Variants in ZNF804A observed in about 807,000 individuals in gnomAD.
ZNF804A encodes the protein zinc finger protein 804A.
ZNF804A carries 2 observed loss-of-function variants against 16.5 expected under a neutral mutation model. The observed-to-expected ratio is 0.12, with a 90% CI of 0.05 to 0.38. The LOEUF is 0.38. Among genes scored for constraint, ZNF804A ranks in the 10% least tolerant of loss-of-function variants. The pLI, the probability that ZNF804A is intolerant of heterozygous loss-of-function variation, is 0.99. For synonymous variants in ZNF804A, 534 were observed against 489.6 expected (o/e 1.09, Z -1.20); for missense variants, 1,473 against 1,390.7 (o/e 1.06, Z -0.94).
At chr2:184,921,351 A>G (rs963866332) in intron 2 of ZNF804A, among the ~76,000 whole-genome samples, 6 of 152,176 alleles carry the variant, frequency 3.9e-5, no homozygotes, top group African/African-American at 1.4e-4. Flanking sequence ...CCTTGGTATC[A>G]GGAAGTCTGT....
intron 1 of ZNF804A, among the ~76,000 whole-genome samples, chr2:184,627,063 T>C (rs1386350233): frequency 2.0e-5 from 3 of 152,186 alleles, no homozygotes; most frequent in Non-Finnish European, 4.4e-5. Context: ...AATAAATACA[T>C]AGTTCTACAG....
At chr2:184,901,385 T>G (rs984752319) in intron 2 of ZNF804A, among the ~76,000 whole-genome samples, 2 of 152,096 alleles carry the variant, frequency 1.3e-5, no homozygotes, top group Non-Finnish European at 2.9e-5. Flanking sequence ...TTGGCCAGGC[T>G]TATATGGGAC....
chr2:184,696,755 T>G (rs2105728871), intron 1 of ZNF804A, among the ~76,000 whole-genome samples: 1 of 152,072 alleles, frequency 6.6e-6, no homozygotes, highest in South Asian at 2.1e-4. Flanking sequence ...CAATAGTTGG[T>G]TTTCATTCCT....
At chr2:184,806,031 A>C (rs1694796143) in intron 1 of ZNF804A, among the ~76,000 whole-genome samples, 5 of 152,152 alleles carry the variant, frequency 3.3e-5, no homozygotes, top group Middle Eastern at 3.4e-3. Flanking sequence ...CAAACATAGA[A>C]GACAAATTTA....
At chr2:184,774,465 C>A (rs1030489357) in intron 1 of ZNF804A, among the ~76,000 whole-genome samples, 1 of 151,564 alleles carries the variant, frequency 6.6e-6, no homozygotes, top group African/African-American at 2.4e-5. Context: ...AAAAAAAAAT[C>A]TTGTCTGGGA....
At chr2:184,833,138 T>C (rs1440954041) in intron 1 of ZNF804A, among the ~76,000 whole-genome samples, 1 of 152,066 alleles carries the variant, frequency 6.6e-6, no homozygotes, top group African/African-American at 2.4e-5. Flanking sequence ...TTTTCTACTC[T>C]CACACTTATC....
At chr2:184,886,888 C>T (rs1183445214) in intron 2 of ZNF804A, among the ~76,000 whole-genome samples, 1 of 152,236 alleles carries the variant, frequency 6.6e-6, no homozygotes, top group Non-Finnish European at 1.5e-5. Context: ...CCATGAGGGT[C>T]TCTGACATGG....
chr2:184,837,757 G>T (rs1484483465), intron 1 of ZNF804A, among the ~76,000 whole-genome samples: 1 of 152,074 alleles, frequency 6.6e-6, no homozygotes, highest in African/African-American at 2.4e-5. Flanking sequence ...ACTGGAATAA[G>T]CTCGTGTATG....
intron 1 of ZNF804A, among the ~76,000 whole-genome samples, chr2:184,652,714 G>A (rs1199171572): frequency 1.3e-5 from 2 of 151,844 alleles, no homozygotes; most frequent in Non-Finnish European, 2.9e-5. Context: ...TATATGGTTC[G>A]GCTGTGTCCC....
chr2:184,696,118 G>T (rs989397468), intron 1 of ZNF804A, among the ~76,000 whole-genome samples: 13 of 152,208 alleles, frequency 8.5e-5, no homozygotes, highest in African/African-American at 3.1e-4. Context: ...AGCGGAATAT[G>T]ATACATACAG....
chr2:184,639,416 T>A (rs1691757315), intron 1 of ZNF804A, among the ~76,000 whole-genome samples: 1 of 152,082 alleles, frequency 6.6e-6, no homozygotes, highest in Non-Finnish European at 1.5e-5. Context: ...GAGATTAACC[T>A]CCTCAGTGTC....
intron 1 of ZNF804A, among the ~76,000 whole-genome samples, chr2:184,855,037 G>T (rs1574242867): frequency 6.6e-6 from 1 of 152,034 alleles, no homozygotes; most frequent in African/African-American, 2.4e-5. Context: ...CACTGATGAA[G>T]ATCTGATGCC....
intron 1 of ZNF804A, among the ~76,000 whole-genome samples, chr2:184,815,065 C>T (rs1287625483): frequency 2.0e-5 from 3 of 151,870 alleles, no homozygotes; most frequent in Non-Finnish European, 4.4e-5. Flanking sequence ...ATAGAAATAA[C>T]GTAAAACGTA....
chr2:184,818,624 A>G (rs1181417167), intron 1 of ZNF804A, among the ~76,000 whole-genome samples: 1 of 152,036 alleles, frequency 6.6e-6, no homozygotes, highest in Non-Finnish European at 1.5e-5. Flanking sequence ...AGCTGGATAG[A>G]GTCATGGCCC....
intron 2 of ZNF804A, among the ~76,000 whole-genome samples, chr2:184,888,245 T>TC (rs1366486779): frequency 6.6e-6 from 1 of 152,166 alleles, no homozygotes; most frequent in Non-Finnish European, 1.5e-5. Flanking sequence ...TGAAAGTAAT[T>TC]ATAAAATTTT....
intron 1 of ZNF804A, among the ~76,000 whole-genome samples, chr2:184,622,426 G>T (rs186106110): frequency 1.3e-5 from 2 of 151,706 alleles, no homozygotes; most frequent in Admixed American, 1.3e-4. Context: ...CTGGGAAAAT[G>T]GAGCTTATTG....
At chr2:184,867,500 G>A (rs940893249) in intron 2 of ZNF804A, among the ~76,000 whole-genome samples, 10 of 151,960 alleles carry the variant, frequency 6.6e-5, no homozygotes, top group African/African-American at 2.4e-4. Flanking sequence ...TCCTGCAGTC[G>A]TTCATACCAA....
At chr2:184,641,102 C>G (rs192209405) in intron 1 of ZNF804A, among the ~76,000 whole-genome samples, 1 of 152,038 alleles carries the variant, frequency 6.6e-6, no homozygotes, top group East Asian at 1.9e-4. Flanking sequence ...TTACAGGAGC[C>G]GGCCACTATG....
chr2:184,798,576 T>G (rs917451267), intron 1 of ZNF804A, among the ~76,000 whole-genome samples: 2 of 152,128 alleles, frequency 1.3e-5, no homozygotes, highest in Admixed American at 1.3e-4. Flanking sequence ...TTTCCAATGT[T>G]TCCTGAAGTT....
Sources: gnomAD v4.1 joint callset for allele counts (sites outside exome capture counted in the v4.1 genomes callset) on GRCh38, gnomAD v4.1.1 for gene constraint, MANE v1.5 for transcripts, NCBI Gene and HGNC (gene_info 2026-07-23, HGNC 2026-07-21) for gene names.